KLF7: variants seen among roughly 807,000 people sequenced by gnomAD.
The protein encoded by KLF7 is Krueppel-like factor 7.
In KLF7, 2 loss-of-function variants were observed where a neutral mutation model predicts 27.3. That is an observed-to-expected ratio of 0.07 (90% CI 0.03 to 0.23). The LOEUF is 0.23. Ranked by LOEUF, KLF7 falls within the 10% of genes least tolerant of loss-of-function variation. KLF7 has a pLI of 1.00. For missense variants in KLF7, 221 were observed against 394.1 expected (o/e 0.56, Z 3.72); for synonymous variants, 165 against 162.4 (o/e 1.02, Z -0.12).
chr2:207,161,652 T>C (rs1307690899), intron 1 of KLF7, among the ~76,000 whole-genome samples: 1 of 152,248 alleles, frequency 6.6e-6, no homozygotes, highest in Non-Finnish European at 1.5e-5. Context: ...GAGGCTGTTC[T>C]TGGAATGCAA....
intron 2 of KLF7, among the ~76,000 whole-genome samples, chr2:207,106,857 T>C (rs1473439199): frequency 3.3e-5 from 5 of 152,180 alleles, no homozygotes; most frequent in Admixed American, 3.3e-4. Flanking sequence ...TCTGCTCCAC[T>C]GTCCCTTTCT....
intron 2 of KLF7, among the ~76,000 whole-genome samples, chr2:207,105,578 C>T (rs556843664): frequency 3.9e-5 from 6 of 152,322 alleles, no homozygotes; most frequent in African/African-American, 1.4e-4. Flanking sequence ...AGACCCCACC[C>T]TTCTTCCATC....
In KLF7 at chr2:207,123,856, C is replaced by T. The variant is rs2077404315; in HGVS notation, c.651G>A (p.Arg217=). 2 of 1,613,902 alleles carry T rather than the reference C, an allele frequency of 1.2e-6. No individual in the cohort carries two copies. The highest frequency in any genetic ancestry group is 1.3e-5 in the African/African-American group (1 of 74,896). Residue 217 remains arginine, a synonymous_variant, in exon 2 of 4, where the codon AGG becomes AGA. Coordinates refer to ENST00000309446, the MANE Select transcript of KLF7 (RefSeq NM_003709.4). ...GAEACPENKK[R]VHRCQFNGCR... ...ACCCGTTAAACTGACAGCGGTGAAC[C>T]CTCTTCTTGTTTTCGGGACATGCTT...
At chr2:207,167,243 A>T, upstream of KLF7, 1 of 1,062,436 alleles carries the variant, frequency 9.4e-7, no homozygotes, top group Non-Finnish European at 1.2e-6. Flanking sequence ...GATCTGTTAC[A>T]TCTGAGATGA....
At chr2:207,111,536 A>G (rs1358202141) in intron 2 of KLF7, among the ~76,000 whole-genome samples, 2 of 152,136 alleles carry the variant, frequency 1.3e-5, no homozygotes, top group African/African-American at 4.8e-5. Flanking sequence ...GTCCTTTCCA[A>G]TTCTGTCAAC....
At chr2:207,145,097 T>C (rs966954336) in intron 1 of KLF7, among the ~76,000 whole-genome samples, 3 of 152,240 alleles carry the variant, frequency 2.0e-5, no homozygotes, top group Non-Finnish European at 4.4e-5. Context: ...GTATCTATAT[T>C]GTAAAAACGA....
chr2:207,086,596 A>C (rs1002872841), intron 3 of KLF7, among the ~76,000 whole-genome samples: 1 of 152,254 alleles, frequency 6.6e-6, no homozygotes, highest in African/African-American at 2.4e-5. Context: ...CCCATCTCTG[A>C]CATCTCTTTC....
At chr2:207,119,399 TTTTTTTACATA>T (rs2077274123) in intron 2 of KLF7, among the ~76,000 whole-genome samples, 1 of 138,666 alleles carries the variant, frequency 7.2e-6, no homozygotes, top group Non-Finnish European at 1.5e-5. Context: ...AAAATCCTTC[TTTTTTTACATA>T]GAAACTATTA....
intron 1 of KLF7, among the ~76,000 whole-genome samples, chr2:207,153,126 G>C (rs997327201): frequency 6.6e-6 from 1 of 152,028 alleles, no homozygotes; most frequent in Non-Finnish European, 1.5e-5. Context: ...ACAGAGCAGC[G>C]AGTGTATACA....
chr2:207,127,490 A>G (rs868469979), intron 1 of KLF7, among the ~76,000 whole-genome samples: 31 of 152,344 alleles, frequency 2.0e-4, no homozygotes, highest in Middle Eastern at 3.4e-3. Context: ...TTTCCAAGCC[A>G]ATGAGAACAT....
intron 1 of KLF7, among the ~76,000 whole-genome samples, chr2:207,161,625 C>T (rs1202715088): frequency 6.6e-6 from 1 of 152,196 alleles, no homozygotes; most frequent in Non-Finnish European, 1.5e-5. Context: ...CAGACCAAAT[C>T]CCATCCCTGG....
chr2:207,121,909 G>C (rs2077350927), intron 2 of KLF7: 1 of 152,214 alleles, frequency 6.6e-6, no homozygotes, highest in African/African-American at 2.4e-5. Context: ...ATGCTAAGCA[G>C]GATGTGCCCT....
intron 1 of KLF7, among the ~76,000 whole-genome samples, chr2:207,145,722 T>C (rs2078079413): frequency 6.6e-6 from 1 of 152,220 alleles, no homozygotes. Context: ...TTTAAACTTC[T>C]GTGCCTATTT....
chr2:207,137,504 C>T (rs77134429), intron 1 of KLF7, among the ~76,000 whole-genome samples: 5,264 of 152,270 alleles, frequency 0.035, 134 homozygotes, highest in Middle Eastern at 0.11. Context: ...GGTATCTCTA[C>T]TGAGAAGTGC....
intron 2 of KLF7, among the ~76,000 whole-genome samples, chr2:207,118,314 C>T (rs931708318): frequency 1.3e-5 from 2 of 152,156 alleles, no homozygotes; most frequent in African/African-American, 4.8e-5. Flanking sequence ...GTAGCTTTAT[C>T]AGTAACGATA....
upstream of KLF7, among the ~76,000 whole-genome samples, chr2:207,169,408 C>G (rs2078770932): frequency 6.6e-6 from 1 of 152,192 alleles, no homozygotes; most frequent in African/African-American, 2.4e-5. Context: ...TCTTTATTAT[C>G]CCAGTGTGAT....
chr2:207,173,671 T>C, the KLF7 span: 1 of 152,258 alleles, frequency 6.6e-6, no homozygotes, highest in East Asian at 1.9e-4. Context: ...ACATCTTACA[T>C]TGCAAGGGGT....
At chr2:207,087,141 T>C (rs2076407353) in intron 3 of KLF7, among the ~76,000 whole-genome samples, 1 of 152,148 alleles carries the variant, frequency 6.6e-6, no homozygotes, top group African/African-American at 2.4e-5. Context: ...TAATAATAAC[T>C]TGTATTCTTG....
chr2:207,146,009 T>A (rs182003915), intron 1 of KLF7, among the ~76,000 whole-genome samples: 5 of 152,362 alleles, frequency 3.3e-5, no homozygotes, highest in African/African-American at 9.6e-5. Flanking sequence ...TGGTTTATTA[T>A]GAACGAGTGT....
Sources: allele counts gnomAD v4.1 joint callset (sites outside exome capture counted in the v4.1 genomes callset), GRCh38; gene constraint gnomAD v4.1.1; transcripts MANE v1.5; gene names NCBI Gene and HGNC (gene_info 2026-07-23, HGNC 2026-07-21).